Variants in SEMA4F observed in about 807,000 individuals in gnomAD.
SEMA4F encodes ssemaphorin 4F, also known as semaphorin-4F.
Under a neutral mutation model 78.4 loss-of-function variants are expected in SEMA4F, and 51 were observed. That is an observed-to-expected ratio of 0.65 (90% CI 0.52 to 0.82). SEMA4F has a LOEUF of 0.82. Ranked by LOEUF, SEMA4F falls within the 40% of genes least tolerant of loss-of-function variation. The probability of loss-of-function intolerance (pLI) is 0.00; values close to 1 mark genes in which losing one functional copy is unlikely to be tolerated. For missense variants in SEMA4F, 938 were observed against 1,014.4 expected, an observed-to-expected ratio of 0.92 and a Z score of 1.02; for synonymous variants, 418 against 408.7, an observed-to-expected ratio of 1.02 and a Z score of -0.27.
rs1159997631 is a variant in SEMA4F, at chr2:74,681,753, G to A, written c.*1544G>A. Reference sequence around the variant, plus strand: ...CTGCTGAGTCCTGGTCTTGGCCTGTGAATGTGCCTCGTTCATCCCTGGTGC... The same window carrying A: ...CTGCTGAGTCCTGGTCTTGGCCTGTAAATGTGCCTCGTTCATCCCTGGTGC... On this transcript the variant is annotated 3_prime_UTR_variant, in exon 14 of 14. Transcript: ENST00000357877. 3 of 152,858 alleles carry A rather than the reference G, an allele frequency of 2.0e-5. No homozygotes were observed. Among genetic ancestry groups the A allele is most frequent in the Non-Finnish European group, 4.4e-5 (3 of 68,132 alleles). The allele number at this position is 152,858 out of a possible 1,614,324, so 9.5% of individuals were successfully genotyped here.
downstream of SEMA4F, among the ~76,000 whole-genome samples, chr2:74,688,072 T>C (rs1038592576): frequency 1.3e-5 from 2 of 152,232 alleles, no homozygotes; most frequent in Non-Finnish European, 2.9e-5. Context: ...CTGGTGGTGT[T>C]AGCCACATTG....
chr2:74,679,864 C>G lies in SEMA4F; in HGVS notation c.1968C>G (p.Ala656=). Residue 656 remains alanine, a synonymous_variant, in exon 14 of 14, where the codon GCC becomes GCG. Transcript: ENST00000357877. ...GCCAGCGAGATGCTCCGAGCCGGGC[C>G]CACACAGTGGGGGCGGGACTGGCTG... The part of the protein sequence containing the change: ...WGSQRDAPSR[A]HTVGAGLAGF... 6.2e-7 allele frequency: 1 copy of G among 1,614,184 alleles called. No individual in the cohort carries two copies. The highest frequency in any genetic ancestry group is 8.5e-7 in the Non-Finnish European group (1 of 1,180,024).
At chr2:74,696,866 A>T in the SEMA4F span, among the ~76,000 whole-genome samples, 1 of 152,246 alleles carries the variant, frequency 6.6e-6, no homozygotes, top group Non-Finnish European at 1.5e-5. Context: ...ATTGTGTTGT[A>T]AGGCTGAATC....
At chr2:74,706,901 G>T in the SEMA4F span, among the ~76,000 whole-genome samples, 2 of 152,110 alleles carry the variant, frequency 1.3e-5, no homozygotes, top group African/African-American at 2.4e-5. Flanking sequence ...CACCCTAACT[G>T]CAGGGATTAG....
chr2:74,675,165 A>C lies in SEMA4F; in HGVS notation c.1153A>C (p.Ile385Leu), dbSNP rs1343868801. ...ACCAGCCCTGTATTTCCTCTAGTGC[A>C]TCACCAACAACATGAAGCTCCGGCA... Reference protein sequence around the residue: ...DVPQPRPGECITNNMKLRHFG... With the variant: ...DVPQPRPGECLTNNMKLRHFG... Residue 385 changes from isoleucine (I) to leucine (L), a missense_variant, in exon 10 of 14, where the codon ATC (isoleucine) becomes CTC (leucine). Ile to Leu is a conservative substitution (Grantham distance 5, BLOSUM62 2). Coordinates refer to ENST00000357877, the MANE Select transcript of SEMA4F (RefSeq NM_004263.5). 2 of 1,614,128 alleles carry C rather than the reference A, an allele frequency of 1.2e-6. No homozygotes were observed. Among genetic ancestry groups the C allele is most frequent in the Admixed American group, 3.3e-5 (2 of 60,024 alleles).
At chr2:74,702,292 A>G in the SEMA4F span, among the ~76,000 whole-genome samples, 1 of 152,172 alleles carries the variant, frequency 6.6e-6, no homozygotes, top group Non-Finnish European at 1.5e-5. Flanking sequence ...CAAGATGACC[A>G]AAACTTAACT....
chr2:74,674,396 T>C (rs1685150340), intron 7 of SEMA4F, 102 bp from the exon 8 acceptor site: 3 of 1,028,822 alleles, frequency 2.9e-6, no homozygotes, highest in South Asian at 3.2e-5. Context: ...TCCCCATCTG[T>C]CTGTCTGCCC....
At position 74,662,718 on chromosome 2, in the gene SEMA4F, C is replaced by T. The variant is rs1166639225; in HGVS notation, c.457-14C>T. The T allele has an allele frequency of 1.2e-6, 2 of 1,610,450 alleles. No homozygotes were observed. Among genetic ancestry groups the T allele is most frequent in the African/African-American group, 1.3e-5 (1 of 74,842 alleles). ...CTATGACCCCTAAACCAATTGCCCC[C>T]TTCTGGTCTATAGGATGTGTCCAGG... On this transcript the variant is annotated splice_polypyrimidine_tract_variant and intron_variant, in intron 4 of 13. Transcript: ENST00000357877.
intron 5 of SEMA4F, among the ~76,000 whole-genome samples, chr2:74,668,487 G>C (rs1176505108): frequency 1.3e-5 from 2 of 152,008 alleles, no homozygotes; most frequent in Non-Finnish European, 2.9e-5. Flanking sequence ...AAAATATCCA[G>C]CTGGCTCAAT....
downstream of SEMA4F, among the ~76,000 whole-genome samples, chr2:74,687,471 A>G (rs529689760): frequency 1.3e-5 from 2 of 152,350 alleles, no homozygotes; most frequent in African/African-American, 4.8e-5. Flanking sequence ...AGCCTGAACT[A>G]TGGCTTTTTT....
chr2:74,685,467 C>A (rs1348680844), downstream of SEMA4F, among the ~76,000 whole-genome samples: 1 of 152,042 alleles, frequency 6.6e-6, no homozygotes, highest in African/African-American at 2.4e-5. Context: ...TGGTTGCCAT[C>A]TTTCCTTCAC....
Position 74,674,977 on chromosome 2 carries a change from A to T in SEMA4F, c.1091A>T (p.Asp364Val). ...GGTCCCTTCAGAGAACTAAAACATGACTGCAACAGAGGACTGCCTGTCGTG... is the reference window on the plus strand; with the variant it reads ...GGTCCCTTCAGAGAACTAAAACATGTCTGCAACAGAGGACTGCCTGTCGTG... ...LNGPFRELKH[D>V]CNRGLPVVDN... Residue 364 changes from aspartate (D) to valine (V), a missense_variant, in exon 9 of 14, where the codon GAC (aspartate) becomes GTC (valine). Transcript: ENST00000357877. 1 of 1,613,128 alleles carries T rather than the reference A, an allele frequency of 6.2e-7. No individual in the cohort carries two copies. Among genetic ancestry groups the T allele is most frequent in the Non-Finnish European group, 8.5e-7 (1 of 1,179,782 alleles).
At chr2:74,693,090 T>C in the SEMA4F span, among the ~76,000 whole-genome samples, 1 of 152,236 alleles carries the variant, frequency 6.6e-6, no homozygotes, top group Non-Finnish European at 1.5e-5. Flanking sequence ...ATATTCAACA[T>C]AGGGATATAA....
intron 12 of SEMA4F, 56 bp from the exon 13 acceptor site, chr2:74,679,220 A>G: frequency 8.0e-7 from 1 of 1,257,794 alleles, no homozygotes; most frequent in Non-Finnish European, 1.2e-6. Context: ...AGTAATACTG[A>G]GGGGGGTTGA....
chr2:74,673,723 G>C lies in SEMA4F; in HGVS notation c.717G>C (p.Gly239=). The change falls in exon 7 of 14, where the codon GGG becomes GGC. Residue 239 remains glycine, a synonymous_variant. Transcript: ENST00000357877. Reference sequence around the variant, plus strand: ...TGGCCTTGAGCCCAGCCGAATGGGGGGATGAAGATGGAGACGACGAAATCT... The same window carrying C: ...TGGCCTTGAGCCCAGCCGAATGGGGCGATGAAGATGGAGACGACGAAATCT... ...AAVALSPAEW[G]DEDGDDEIYF... The C allele has an allele frequency of 6.2e-7, 1 of 1,614,166 alleles. No homozygotes were observed. The highest frequency in any genetic ancestry group is 8.5e-7 in the Non-Finnish European group (1 of 1,180,026).
the SEMA4F span, among the ~76,000 whole-genome samples, chr2:74,701,065 T>C: frequency 6.8e-5 from 10 of 147,776 alleles, no homozygotes; most frequent in African/African-American, 2.6e-4. Context: ...GGGTGGGGTA[T>C]GGCTTAGCCA....
intron 5 of SEMA4F, among the ~76,000 whole-genome samples, chr2:74,664,824 A>G (rs990389801): frequency 6.6e-6 from 1 of 152,206 alleles, no homozygotes; most frequent in Admixed American, 6.5e-5. Context: ...TAGTATTTCA[A>G]TTACATATCT....
chr2:74,662,725 T>G lies in SEMA4F; in HGVS notation c.457-7T>G. On this transcript the variant is annotated splice_region_variant and splice_polypyrimidine_tract_variant and intron_variant, in intron 4 of 13. Coordinates refer to ENST00000357877, the MANE Select transcript of SEMA4F (RefSeq NM_004263.5). ...CCCTAAACCAATTGCCCCCTTCTGG[T>G]CTATAGGATGTGTCCAGGTTCCAGC... The G allele has an allele frequency of 6.2e-7, 1 of 1,612,858 alleles. No individual in the cohort carries two copies. The highest frequency in any genetic ancestry group is 8.5e-7 in the Non-Finnish European group (1 of 1,178,868).
chr2:74,679,504 G>A (rs1685471464), intron 13 of SEMA4F, 95 bp from the exon 14 acceptor site: 2 of 1,522,148 alleles, frequency 1.3e-6, no homozygotes, highest in South Asian at 2.5e-5. Context: ...AGTCTCCATA[G>A]CCCCTTTTCA....
Sources: allele counts gnomAD v4.1 joint callset (sites outside exome capture counted in the v4.1 genomes callset), GRCh38; gene constraint gnomAD v4.1.1; transcripts MANE v1.5; gene names NCBI Gene and HGNC (gene_info 2026-07-23, HGNC 2026-07-21).